Variants in RNGTT observed in about 807,000 individuals in gnomAD.
RNGTT encodes the protein RNA guanylyltransferase and 5'-phosphatase, also known as mRNA-capping enzyme.
Under a neutral mutation model 79.3 loss-of-function variants are expected in RNGTT, and 33 were observed. The observed-to-expected ratio is 0.42, with a 90% CI of 0.32 to 0.56. The LOEUF (loss-of-function observed/expected upper bound fraction) is 0.56. Among genes scored for constraint, RNGTT ranks in the 20% least tolerant of loss-of-function variants. RNGTT has a pLI of 0.17. For missense variants in RNGTT, 497 were observed against 739.1 expected, an observed-to-expected ratio of 0.67 and a Z score of 3.80; for synonymous variants, 222 against 235.9, an observed-to-expected ratio of 0.94 and a Z score of 0.54.
chr6:88,849,846 T>TA lies in RNGTT; in HGVS notation c.1033-21dup. The TA allele has an allele frequency of 1.3e-6, 2 of 1,529,946 alleles. No individual in the cohort carries two copies. Among genetic ancestry groups the TA allele is most frequent in the Non-Finnish European group, 1.7e-6 (2 of 1,143,624 alleles). 94.8% of individuals were successfully genotyped at this position (1,529,946 alleles called of 1,614,324 possible). On this transcript the variant is annotated intron_variant, in intron 9 of 15. Coordinates refer to ENST00000369485, the MANE Select transcript of RNGTT (RefSeq NM_003800.5). ...CATCTCCTTGAAAGAGAAAAGAAGGTAAGTTTCTTCATACTTTAATAACAA... is the reference window on the plus strand; with the variant it reads ...CATCTCCTTGAAAGAGAAAAGAAGGTAAAGTTTCTTCATACTTTAATAACAA...
intron 11 of RNGTT, among the ~76,000 whole-genome samples, chr6:88,811,674 T>A (rs1413212944): frequency 1.3e-5 from 2 of 152,176 alleles, no homozygotes; most frequent in Non-Finnish European, 2.9e-5. Flanking sequence ...TCTCCAATGT[T>A]ATTAGAAATA....
At chr6:88,866,229 G>A (rs1453968535) in intron 8 of RNGTT, among the ~76,000 whole-genome samples, 1 of 152,060 alleles carries the variant, frequency 6.6e-6, no homozygotes, top group Non-Finnish European at 1.5e-5. Flanking sequence ...AATCTTCAAA[G>A]AATTAGAGAA....
chr6:88,942,492 C>A (rs1784883214), intron 1 of RNGTT, among the ~76,000 whole-genome samples: 2 of 152,048 alleles, frequency 1.3e-5, no homozygotes, highest in African/African-American at 4.8e-5. Context: ...CACCTCAGCC[C>A]CCCAGTAGCT....
chr6:88,635,656 T>A (rs569213934), intron 14 of RNGTT, among the ~76,000 whole-genome samples: 1 of 152,224 alleles, frequency 6.6e-6, no homozygotes, highest in South Asian at 2.1e-4. Context: ...GTTTCTAATA[T>A]TTACTCTGGC....
At chr6:88,642,018 C>T (rs1017889096) in intron 14 of RNGTT, among the ~76,000 whole-genome samples, 5 of 151,710 alleles carry the variant, frequency 3.3e-5, no homozygotes, top group Admixed American at 3.3e-4. Flanking sequence ...GAATTAGCTA[C>T]CTTGTCATTT....
intron 13 of RNGTT, among the ~76,000 whole-genome samples, chr6:88,703,762 T>G (rs965188586): frequency 1.3e-5 from 2 of 152,222 alleles, no homozygotes; most frequent in East Asian, 1.9e-4. Context: ...CAGGGGAAGC[T>G]GATGAACCAC....
At chr6:88,920,023 C>G (rs1784118694) in intron 4 of RNGTT, among the ~76,000 whole-genome samples, 1 of 152,084 alleles carries the variant, frequency 6.6e-6, no homozygotes, top group South Asian at 2.1e-4. Context: ...ATTTTGCCCC[C>G]CAGGGGACAT....
chr6:88,695,099 GGT>G (rs1775615683), intron 13 of RNGTT, among the ~76,000 whole-genome samples: 1 of 152,008 alleles, frequency 6.6e-6, no homozygotes, highest in Non-Finnish European at 1.5e-5. Context: ...ACATAACATT[GGT>G]CTGGGCAATG....
At chr6:88,819,919 A>G (rs1031395953) in intron 11 of RNGTT, among the ~76,000 whole-genome samples, 2 of 152,078 alleles carry the variant, frequency 1.3e-5, no homozygotes, top group Non-Finnish European at 2.9e-5. Flanking sequence ...TTCACCTACT[A>G]GGTAGGTGAA....
At chr6:88,783,007 C>A (rs1442689352) in intron 12 of RNGTT, among the ~76,000 whole-genome samples, 1 of 152,092 alleles carries the variant, frequency 6.6e-6, no homozygotes, top group African/African-American at 2.4e-5. Context: ...AAATTAAAGA[C>A]AGAACCACCC....
chr6:88,904,562 C>CA (rs113231405), intron 6 of RNGTT, among the ~76,000 whole-genome samples, 153 bp downstream of exon 6: 56 of 139,404 alleles, frequency 4.0e-4, no homozygotes, highest in East Asian at 6.2e-4. Flanking sequence ...ACTTTCTCTC[C>CA]AAAAAAAAAA....
At chr6:88,667,948 T>C (rs1212571725) in intron 14 of RNGTT, among the ~76,000 whole-genome samples, 2 of 152,172 alleles carry the variant, frequency 1.3e-5, no homozygotes, top group Non-Finnish European at 2.9e-5. Context: ...GAACAGGATA[T>C]TCCCCTTATG....
chr6:88,715,623 G>A (rs1385973786), intron 13 of RNGTT, among the ~76,000 whole-genome samples: 2 of 152,104 alleles, frequency 1.3e-5, no homozygotes, highest in Non-Finnish European at 2.9e-5. Flanking sequence ...CAGAGAAATA[G>A]ACCAATGGAA....
chr6:88,851,679 G>A (rs1781677973), intron 9 of RNGTT, among the ~76,000 whole-genome samples: 1 of 151,948 alleles, frequency 6.6e-6, no homozygotes, highest in Non-Finnish European at 1.5e-5. Context: ...GCTCACATCT[G>A]ACAGTCAGAC....
At chr6:88,808,865 G>T (rs2127869180) in intron 11 of RNGTT, among the ~76,000 whole-genome samples, 1 of 152,268 alleles carries the variant, frequency 6.6e-6, no homozygotes, top group East Asian at 1.9e-4. Context: ...GCTGCTGTGG[G>T]AGGATAACTT....
Position 88,963,414 on chromosome 6 carries a change from T to A in RNGTT, c.-5A>T, listed in dbSNP as rs372549368. On this transcript the variant is annotated 5_prime_UTR_variant, in exon 1 of 16. Coordinates refer to ENST00000369485, the MANE Select transcript of RNGTT (RefSeq NM_003800.5). The stretch of plus-strand genomic sequence containing the variant: ...CGGGATCTTGTTGTGAGCCATGTCT[T>A]GGGGCTGCGCAGAGCTGCCCTCCCT... The A allele has an allele frequency of 2.5e-6, 4 of 1,597,824 alleles. No individual in the cohort carries two copies. The highest frequency in any genetic ancestry group is 3.4e-6 in the Non-Finnish European group (4 of 1,171,248).
intron 2 of RNGTT, among the ~76,000 whole-genome samples, chr6:88,929,934 A>G (rs955522269): frequency 1.3e-5 from 2 of 150,572 alleles, no homozygotes; most frequent in African/African-American, 2.4e-5. Context: ...ATACATATGT[A>G]TACATATGCA....
intron 8 of RNGTT, among the ~76,000 whole-genome samples, chr6:88,855,846 G>A (rs749025629): frequency 2.0e-4 from 31 of 152,220 alleles, no homozygotes; most frequent in Non-Finnish European, 3.5e-4. Flanking sequence ...GGTGGATAGA[G>A]AGAATCTAAG....
intron 8 of RNGTT, among the ~76,000 whole-genome samples, chr6:88,860,979 C>A (rs1011065124): frequency 6.6e-6 from 1 of 152,130 alleles, no homozygotes; most frequent in South Asian, 2.1e-4. Flanking sequence ...TAATACTAGC[C>A]CTTTACCTGG....
Sources: allele counts gnomAD v4.1 joint callset (sites outside exome capture counted in the v4.1 genomes callset), GRCh38; gene constraint gnomAD v4.1.1; transcripts MANE v1.5; gene names NCBI Gene and HGNC (gene_info 2026-07-23, HGNC 2026-07-21).